The following FAH variants were observed in gnomAD, a reference collection of about 807,000 sequenced individuals.
FAH encodes the protein fumarylacetoacetate hydrolase, also known as fumarylacetoacetase.
Under a neutral mutation model 55.8 loss-of-function variants are expected in FAH, and 47 were observed. That is an observed-to-expected ratio of 0.84 (90% confidence interval 0.67 to 1.07). The LOEUF is 1.07. Among genes scored for constraint, FAH ranks in the 50% least tolerant of loss-of-function variants. The probability of loss-of-function intolerance (pLI) is 0.00; values close to 1 mark genes in which losing one functional copy is unlikely to be tolerated. For synonymous variants in FAH, 199 were observed against 207.7 expected, an observed-to-expected ratio of 0.96 and a Z score of 0.36; for missense variants, 495 against 545.9, an observed-to-expected ratio of 0.91 and a Z score of 0.93.
chr15:80,170,468 T>G (rs1404591375), intron 7 of FAH, among the ~76,000 whole-genome samples: 1 of 152,184 alleles, frequency 6.6e-6, no homozygotes, highest in Non-Finnish European at 1.5e-5. Flanking sequence ...GGGAAATGAG[T>G]GGGCACTGCC....
intron 10 of FAH, among the ~76,000 whole-genome samples, chr15:80,176,952 A>G (rs1432315560): frequency 1.3e-5 from 2 of 152,238 alleles, no homozygotes; most frequent in African/African-American, 4.8e-5. Flanking sequence ...AGGGGAAGTT[A>G]GGACCAAGGG....
At chr15:80,159,978 AGT>A in intron 3 of FAH, 101 bp downstream of exon 3, 3 of 1,472,406 alleles carry the variant, frequency 2.0e-6, no homozygotes, top group Non-Finnish European at 2.8e-6. Context: ...TGGCAGCCTT[AGT>A]GTGGCCAAGT....
chr15:80,186,139 A>AG lies in FAH; in HGVS notation c.1195dup (p.Asp399GlyfsTer41), dbSNP rs1020717976. ...TCCTCCTCTGTTCCAGGGTACTGCC[A>AG]GGGGGATGGTTACCGCATCGGCTTT... is the stretch of plus-strand genomic sequence containing the variant. On this transcript the variant is annotated frameshift_variant, in exon 14 of 14. Transcript: ENST00000561421. LOFTEE classifies it high-confidence loss of function. The AG allele has an allele frequency of 1.2e-6, 2 of 1,613,978 alleles. No homozygotes were observed. Among genetic ancestry groups the AG allele is most frequent in the African/African-American group, 1.3e-5 (1 of 74,932 alleles).
rs750741137 is a variant in FAH at position 80,173,048 on chromosome 15, CG to C, written c.744del (p.Pro249HisfsTer55). Reference protein sequence around the residue: ...DIQKWEYVPLGPFLGKSFGTT... With the variant: ...DIQKWEYVPLXPFLGKSFGTT... ...TTCAGAAGTGGGAGTATGTCCCTCT[CG>C]GGCCATTCCTTGGGAAGAGTTTTGG... is the stretch of plus-strand genomic sequence containing the variant. On this transcript the variant is annotated frameshift_variant, in exon 9 of 14. Transcript: ENST00000561421. LOFTEE classifies it high-confidence loss of function. 4.3e-6 allele frequency: 7 copies of C among 1,614,230 alleles called. No individual in the cohort carries two copies. Among genetic ancestry groups the C allele is most frequent in the Non-Finnish European group, 5.9e-6 (7 of 1,180,046 alleles).
chr15:80,152,904 A>T, upstream of FAH: 1 of 624,808 alleles, frequency 1.6e-6, no homozygotes, highest in Non-Finnish European at 2.8e-6. Context: ...ACCAAAAGTC[A>T]GGTAGGAGCC....
rs773450608 is a variant in FAH at position 80,168,317 on chromosome 15, G to A, written c.606+1G>A. 1.2e-6 allele frequency: 2 copies of A among 1,612,206 alleles called. No individual in the cohort carries two copies. Among genetic ancestry groups the A allele is most frequent in the Non-Finnish European group, 1.7e-6 (2 of 1,179,978 alleles). On this transcript the variant is annotated splice_donor_variant, in intron 7 of 13. Coordinates refer to ENST00000561421, the MANE Select transcript of FAH (RefSeq NM_000137.4). LOFTEE classifies it high-confidence loss of function. ...GCTCTTGGACATGGAGCTGGAAATG[G>A]TAAGTGAGCTTGATGTTTTATTGCC...
rs112275839 is a variant in FAH, at chr15:80,175,801, C to T, written c.913+710C>T. ...CATCTATGAAATGGGATAATAGCGG[C>T]GTTGACCTCATGGTGTGTTGTGAGG... On this transcript the variant is annotated intron_variant, in intron 10 of 13. Coordinates refer to ENST00000561421, the MANE Select transcript of FAH (RefSeq NM_000137.4). Among the ~76,000 whole-genome samples the T allele has an allele frequency of 6.3e-3, 964 of 152,330 alleles. 13 individuals are homozygous for T. Among genetic ancestry groups the T allele is most frequent in the South Asian group, 0.015 (72 of 4,824 alleles).
At chr15:80,181,975 AAACT>A (rs1379933264) in intron 13 of FAH, among the ~76,000 whole-genome samples, 1 of 152,186 alleles carries the variant, frequency 6.6e-6, no homozygotes, top group Non-Finnish European at 1.5e-5. Context: ...ATAGTACCGC[AAACT>A]TTGTGGCTTA....
Position 80,162,307 on chromosome 15 carries a change from G to A in FAH, c.426G>A (p.Arg142=). The A allele has an allele frequency of 6.2e-7, 1 of 1,614,206 alleles. No individual in the cohort carries two copies. Among genetic ancestry groups the A allele is most frequent in the East Asian group, 2.2e-5 (1 of 44,890 alleles). ...QHATNVGIMF[R]DKENALMPNW... Reference sequence around the variant, plus strand: ...CTACCAACGTCGGAATCATGTTCAGGGACAAGGAGAATGCGTTGATGCCAA... The same window carrying A: ...CTACCAACGTCGGAATCATGTTCAGAGACAAGGAGAATGCGTTGATGCCAA... The change falls in exon 5 of 14, where the codon AGG becomes AGA. Residue 142 remains arginine (R), a synonymous_variant. Coordinates refer to ENST00000561421, the MANE Select transcript of FAH (RefSeq NM_000137.4).
chr15:80,180,683 C>G (rs1185851755), intron 12 of FAH, among the ~76,000 whole-genome samples: 3 of 152,096 alleles, frequency 2.0e-5, no homozygotes, highest in African/African-American at 7.2e-5. Flanking sequence ...GCCGAGCCCT[C>G]TTGTTCCTTG....
chr15:80,167,594 C>T (rs546525736), intron 5 of FAH, among the ~76,000 whole-genome samples: 10 of 143,294 alleles, frequency 7.0e-5, no homozygotes, highest in African/African-American at 2.4e-4. Context: ...TGCAGTGGTG[C>T]GATCTCAGTT....
chr15:80,160,922 G>A (rs2041143471), intron 4 of FAH, among the ~76,000 whole-genome samples: 1 of 152,134 alleles, frequency 6.6e-6, no homozygotes, highest in South Asian at 2.1e-4. Context: ...GGCTGGCTCA[G>A]CCTGCGGCCC....
chr15:80,156,465 A>G (rs938302185), intron 1 of FAH: 3 of 152,272 alleles, frequency 2.0e-5, no homozygotes, highest in Admixed American at 6.5e-5. Flanking sequence ...TCCTTCGCCC[A>G]CACCAATCCC....
chr15:80,164,039 A>T (rs1595891752), intron 5 of FAH, among the ~76,000 whole-genome samples: 1 of 152,356 alleles, frequency 6.6e-6, no homozygotes, highest in South Asian at 2.1e-4. Flanking sequence ...AAGCACAAAA[A>T]ATATATATGT....
chr15:80,180,975 A>T (rs2041326162), intron 12 of FAH, 67 bp from the exon 13 acceptor site: 3 of 1,327,088 alleles, frequency 2.3e-6, no homozygotes, highest in Non-Finnish European at 3.2e-6. Context: ...GGTCTTGCTG[A>T]GCATGGTCCA....
At chr15:80,166,635 C>CTTTTTTTTTTTTTTT (rs768001652) in intron 5 of FAH, among the ~76,000 whole-genome samples, 1 of 118,340 alleles carries the variant, frequency 8.5e-6, no homozygotes, top group Non-Finnish European at 1.7e-5. Context: ...TTTGCATTTT[C>CTTTTTTTTTTTTTTT]TTTTTTTTTT....
chr15:80,158,821 C>T (rs1490990849), intron 2 of FAH, among the ~76,000 whole-genome samples: 3 of 152,148 alleles, frequency 2.0e-5, no homozygotes, highest in African/African-American at 7.2e-5. Flanking sequence ...ACCTGAACTT[C>T]TGGAATGAGA....
chr15:80,170,725 C>G lies in FAH; in HGVS notation c.607-1424C>G, dbSNP rs535215842. ...TCAGCATGTGGAGAAATGGTTGGGG[C>G]AGAGAGCCCAGGTCACCTGGACTAG... On this transcript the variant is annotated intron_variant, in intron 7 of 13. Transcript: ENST00000561421. 4.6e-5 allele frequency among the ~76,000 whole-genome samples: 7 copies of G among 152,310 alleles called. No individual in the cohort carries two copies. In the South Asian group the frequency reaches 1.5e-3, roughly 32 times the overall value.
chr15:80,162,566 C>G (rs1486184127), intron 5 of FAH: 1 of 586,178 alleles, frequency 1.7e-6, no homozygotes, highest in African/African-American at 1.9e-5. Context: ...CCTTGGACAG[C>G]AGGGGTTGGA....
Sources: allele counts gnomAD v4.1 joint callset (sites outside exome capture counted in the v4.1 genomes callset), GRCh38; gene constraint gnomAD v4.1.1; transcripts MANE v1.5; gene names NCBI Gene and HGNC (gene_info 2026-07-23, HGNC 2026-07-21).